Variants in NRIP2 observed in about 807,000 individuals in gnomAD.
The protein encoded by NRIP2 is nuclear receptor interacting protein 2.
NRIP2 carries 27 observed loss-of-function variants against 34.1 expected under a neutral mutation model. The ratio of observed to expected loss-of-function variants is 0.79; its 90% CI spans 0.58 to 1.09. NRIP2 has a LOEUF of 1.09. NRIP2 is among the 50% of genes least tolerant of loss of function. The probability of loss-of-function intolerance (pLI) is 0.00; values close to 1 mark genes in which losing one functional copy is unlikely to be tolerated. For synonymous variants in NRIP2, 145 were observed against 146.9 expected (o/e 0.99, Z 0.09); for missense variants, 385 against 352.6 (o/e 1.09, Z -0.74).
chr12:2,827,419 T>C lies in NRIP2; in HGVS notation c.754-120A>G, dbSNP rs2097973741. 1.3e-6 allele frequency: 2 copies of C among 1,520,456 alleles called. No homozygotes were observed. Among genetic ancestry groups the C allele is most frequent in the African/African-American group, 2.8e-5 (2 of 71,772 alleles). 94.2% of individuals were successfully genotyped at this position (1,520,456 alleles called of 1,614,324 possible). A position where few individuals can be genotyped will look rare whatever the true frequency, so the allele number is the denominator to read the frequency against. On this transcript the variant is annotated intron_variant, in intron 5 of 5. Transcript: ENST00000337508. This position sits in a 1 kb window ranked among gnomAD's most constrained non-coding sequence, Gnocchi z 4.0. The stretch of plus-strand genomic sequence containing the variant: ...CCACCTGCCTTTTGCTCTTCCCCCA[T>C]CCCCATTTCCCTAGACTCCTGTTGA...
At position 2,826,153 on chromosome 12, in the gene NRIP2, T is replaced by C. The variant is rs2097965723; in HGVS notation, c.*1054A>G. 1 of 151,380 alleles carries C rather than the reference T, an allele frequency of 6.6e-6. No homozygotes were observed. The highest frequency in any genetic ancestry group is 1.5e-5 in the Non-Finnish European group (1 of 67,944). The allele number at this position is 151,380 out of a possible 1,614,324, so 9.4% of individuals were successfully genotyped here. On this transcript the variant is annotated 3_prime_UTR_variant, in exon 6 of 6. Transcript: ENST00000337508. ...TGGCGTCTTAAGGTTCGGGTTCTTCTCTTCACAGTGAATTCAAAAAAGCCT... is the reference window on the plus strand; with the variant it reads ...TGGCGTCTTAAGGTTCGGGTTCTTCCCTTCACAGTGAATTCAAAAAAGCCT...
intron 2 of NRIP2, 99 bp downstream of exon 2, chr12:2,830,609 C>T: frequency 7.5e-7 from 1 of 1,327,168 alleles, no homozygotes; most frequent in Middle Eastern, 2.4e-4. Context: ...CCCTTTCTCC[C>T]TCCCTCCCTC....
In NRIP2 at chr12:2,827,408, C is replaced by T; in HGVS notation, c.754-109G>A. On this transcript the variant is annotated intron_variant, in intron 5 of 5. Coordinates refer to ENST00000337508, the MANE Select transcript of NRIP2 (RefSeq NM_031474.3). The surrounding 1 kb of genome is among the most constrained non-coding windows in gnomAD (Gnocchi z 4.0). Reference sequence around the variant, plus strand: ...TCCCACAGCTTCCACCTGCCTTTTGCTCTTCCCCCATCCCCATTTCCCTAG... The same window carrying T: ...TCCCACAGCTTCCACCTGCCTTTTGTTCTTCCCCCATCCCCATTTCCCTAG... 1.3e-6 allele frequency: 2 copies of T among 1,521,422 alleles called. No homozygotes were observed. Among genetic ancestry groups the T allele is most frequent in the South Asian group, 1.3e-5 (1 of 77,138 alleles). 94.2% of individuals were successfully genotyped at this position (1,521,422 alleles called of 1,614,324 possible).
intron 1 of NRIP2, among the ~76,000 whole-genome samples, chr12:2,834,265 G>A (rs1230430235): frequency 6.6e-6 from 1 of 152,180 alleles, no homozygotes; most frequent in African/African-American, 2.4e-5. Flanking sequence ...TGGTTCGGGG[G>A]AAGCAGGAAG....
At position 2,826,179 on chromosome 12, in the gene NRIP2, C is replaced by CT. The variant is rs1364089078; in HGVS notation, c.*1027dup. 1 of 151,164 alleles carries CT rather than the reference C, an allele frequency of 6.6e-6. No individual in the cohort carries two copies. The highest frequency in any genetic ancestry group is 1.5e-5 in the Non-Finnish European group (1 of 67,932). The allele number at this position is 151,164 out of a possible 1,614,324, so 9.4% of individuals were successfully genotyped here. A position where few individuals can be genotyped will look rare whatever the true frequency, so the allele number is the denominator to read the frequency against. ...CTTCACAGTGAATTCAAAAAAGCCT[C>CT]TGTCTCCTGACAGACCCCAAACTTT... is the stretch of plus-strand genomic sequence containing the variant. On this transcript the variant is annotated 3_prime_UTR_variant, in exon 6 of 6. Transcript: ENST00000337508.
Position 2,834,897 on chromosome 12 carries a change from T to G in NRIP2, c.87A>C (p.Arg29Ser), listed in dbSNP as rs370772434. 2.5e-6 allele frequency: 4 copies of G among 1,613,662 alleles called. No homozygotes were observed. Among genetic ancestry groups the G allele is most frequent in the African/African-American group, 2.7e-5 (2 of 74,784 alleles). The change falls in exon 1 of 6, where the codon AGA (arginine) becomes AGC (serine). Residue 29 changes from arginine (R) to serine (S), a missense_variant. Physicochemically the swap from Arg to Ser is moderately radical, Grantham distance 110. Coordinates refer to ENST00000337508, the MANE Select transcript of NRIP2 (RefSeq NM_031474.3). ...GGGGCGTCACCGAGTCCTCTCTGCTTCTTCCTGCCTGTCTCTGTCCCGTGC... is the reference window on the plus strand; with the variant it reads ...GGGGCGTCACCGAGTCCTCTCTGCTGCTTCCTGCCTGTCTCTGTCCCGTGC... Reference protein sequence around the residue: ...SCSTGQRQAGRSREDSVTPPP... With the variant: ...SCSTGQRQAGSSREDSVTPPP...
At position 2,830,717 on chromosome 12, in the gene NRIP2, G is replaced by A. The variant is rs1447497648; in HGVS notation, c.486C>T (p.Val162=). 1 of 1,611,704 alleles carries A rather than the reference G, an allele frequency of 6.2e-7. No homozygotes were observed. The highest frequency in any genetic ancestry group is 1.1e-5 in the South Asian group (1 of 90,644). The part of the protein sequence containing the change: ...TSRTEIPALL[V]NCKCQDQLLR... ...CTGGGAGGCCTCTCACCTTGCAGTT[G>A]ACCAGAAGAGCTGGAATCTCTGTCC... Residue 162 remains valine (V), a synonymous_variant, in exon 2 of 6, where the codon GTC becomes GTT. Coordinates refer to ENST00000337508, the MANE Select transcript of NRIP2 (RefSeq NM_031474.3).
Position 2,827,148 on chromosome 12 carries a change from C to G in NRIP2, c.*59G>C. 2.5e-6 allele frequency: 4 copies of G among 1,611,314 alleles called. No homozygotes were observed. Among genetic ancestry groups the G allele is most frequent in the Non-Finnish European group, 2.5e-6 (3 of 1,179,020 alleles). Reference sequence around the variant, plus strand: ...ACCTGGCTTCAAGAGCCCCCGTTCCCCACACGCCTCTTCTTCTAAGGCAAG... The same window carrying G: ...ACCTGGCTTCAAGAGCCCCCGTTCCGCACACGCCTCTTCTTCTAAGGCAAG... On this transcript the variant is annotated 3_prime_UTR_variant, in exon 6 of 6. Coordinates refer to ENST00000337508, the MANE Select transcript of NRIP2 (RefSeq NM_031474.3). The surrounding 1 kb of genome is among the most constrained non-coding windows in gnomAD (Gnocchi z 4.0).
intron 1 of NRIP2, among the ~76,000 whole-genome samples, chr12:2,833,077 C>T (rs1475645169): frequency 1.3e-5 from 2 of 151,954 alleles, no homozygotes; most frequent in Admixed American, 6.6e-5. Flanking sequence ...GTCTTCCCTG[C>T]CTGTTGTGCC....
intron 1 of NRIP2, among the ~76,000 whole-genome samples, chr12:2,833,729 GAAT>G (rs948423470): frequency 9.9e-5 from 15 of 152,148 alleles, no homozygotes; most frequent in Middle Eastern, 3.4e-3. Flanking sequence ...ATAGCTGGGG[GAAT>G]AATAATAATA....
rs564422008 is a variant in NRIP2 at position 2,826,913 on chromosome 12, C to T, written c.*294G>A. 8.8e-5 allele frequency: 100 copies of T among 1,141,546 alleles called. 2 individuals are homozygous for T. In the Middle Eastern group the frequency reaches 1.8e-3, roughly 21 times the overall value. The allele number at this position is 1,141,546 out of a possible 1,614,324, so 70.7% of individuals were successfully genotyped here. A position where few individuals can be genotyped will look rare whatever the true frequency, so the allele number is the denominator to read the frequency against. The stretch of plus-strand genomic sequence containing the variant: ...CAGCCCAAGCAGGCACCCCATTGTG[C>T]TTAGGTTCCTATCTGTGGTCTTGAT... On this transcript the variant is annotated 3_prime_UTR_variant, in exon 6 of 6. Coordinates refer to ENST00000337508, the MANE Select transcript of NRIP2 (RefSeq NM_031474.3).
chr12:2,831,550 C>G (rs977806920), intron 1 of NRIP2, among the ~76,000 whole-genome samples: 6 of 151,846 alleles, frequency 4.0e-5, no homozygotes. Flanking sequence ...CACCACTGCA[C>G]TCCAGTCTGG....
chr12:2,830,956 C>A (rs559381599), intron 1 of NRIP2, 96 bp from the exon 2 acceptor site: 31 of 1,358,634 alleles, frequency 2.3e-5, no homozygotes, highest in Non-Finnish European at 2.8e-5. Context: ...ATGCTCCCCC[C>A]ACCCCCCCAG....
intron 2 of NRIP2, 34 bp from the exon 3 acceptor site, chr12:2,828,448 C>G: frequency 6.5e-7 from 1 of 1,540,518 alleles, no homozygotes. Flanking sequence ...ATCAGTGAGT[C>G]CCTAGGAGAA....
Position 2,826,711 on chromosome 12 carries a change from C to T in NRIP2, c.*496G>A, listed in dbSNP as rs149872814. 1.3e-3 allele frequency: 238 copies of T among 180,342 alleles called. No homozygotes were observed. Among genetic ancestry groups the T allele is most frequent in the Middle Eastern group, 2.3e-3 (1 of 444 alleles). 11.2% of individuals were successfully genotyped at this position (180,342 alleles called of 1,614,324 possible). On this transcript the variant is annotated 3_prime_UTR_variant, in exon 6 of 6. Transcript: ENST00000337508. ...ACTGTGAGCAGATGTGCACAGACTC[C>T]GAGAGGCAGACACCAGGAGGTCCAG...
intron 1 of NRIP2, among the ~76,000 whole-genome samples, chr12:2,831,741 TTCTC>T (rs1013438266): frequency 6.6e-6 from 1 of 152,088 alleles, no homozygotes; most frequent in Non-Finnish European, 1.5e-5. Context: ...CCTCCTTTCC[TTCTC>T]TCTCTTCTTT....
intron 1 of NRIP2, among the ~76,000 whole-genome samples, chr12:2,831,837 T>G (rs2098004836): frequency 6.6e-6 from 1 of 152,168 alleles, no homozygotes; most frequent in African/African-American, 2.4e-5. Flanking sequence ...GCTCAAGGCA[T>G]TCTCTAGCCT....
Position 2,827,722 on chromosome 12 carries a change from G to C in NRIP2, c.701-45C>G, listed in dbSNP as rs2097975710. On this transcript the variant is annotated intron_variant, in intron 4 of 5. Transcript: ENST00000337508. This position sits in a 1 kb window ranked among gnomAD's most constrained non-coding sequence, Gnocchi z 4.0. ...ACAGAAGAGGCTGAGGGTTCCCAGT[G>C]GTCACTGCTGCCCTCCTCTTAGCCG... 6.2e-7 allele frequency: 1 copy of C among 1,613,018 alleles called. No individual in the cohort carries two copies. The highest frequency in any genetic ancestry group is 8.5e-7 in the Non-Finnish European group (1 of 1,179,962).
Position 2,827,156 on chromosome 12 carries a change from CTCT to C in NRIP2, c.*48_*50del, listed in dbSNP as rs764460846. 4.3e-6 allele frequency: 7 copies of C among 1,612,846 alleles called. No homozygotes were observed. The highest frequency in any genetic ancestry group is 5.9e-6 in the Non-Finnish European group (7 of 1,179,564). ...TCAAGAGCCCCCGTTCCCCACACGCCTCTTCTTCTAAGGCAAGGTCTTTCCCTC... is the reference window on the plus strand; with the variant it reads ...TCAAGAGCCCCCGTTCCCCACACGCCTCTTCTAAGGCAAGGTCTTTCCCTC... On this transcript the variant is annotated 3_prime_UTR_variant, in exon 6 of 6. Coordinates refer to ENST00000337508, the MANE Select transcript of NRIP2 (RefSeq NM_031474.3). The surrounding 1 kb of genome is among the most constrained non-coding windows in gnomAD (Gnocchi z 4.0).
Sources: gnomAD v4.1 joint callset for allele counts (sites outside exome capture counted in the v4.1 genomes callset) on GRCh38, gnomAD v4.1.1 for gene constraint, Gnocchi (gnomAD v3.1) non-coding constraint, MANE v1.5 for transcripts, NCBI Gene and HGNC (gene_info 2026-07-23, HGNC 2026-07-21) for gene names.